SEMA3D: variants seen among roughly 807,000 people sequenced by gnomAD.
SEMA3D encodes semaphorin-3D.
Under a neutral mutation model 100.1 loss-of-function variants are expected in SEMA3D, and 84 were observed. That is an observed-to-expected ratio of 0.84 (90% CI 0.70 to 1.01). SEMA3D has a LOEUF of 1.01. SEMA3D is among the 50% of genes least tolerant of loss of function. SEMA3D has a pLI of 0.00. For synonymous variants in SEMA3D, 312 were observed against 320.7 expected (o/e 0.97, Z 0.29); for missense variants, 875 against 934.1 (o/e 0.94, Z 0.82).
intron 3 of SEMA3D, among the ~76,000 whole-genome samples, chr7:85,107,463 T>C (rs545606517): frequency 6.6e-6 from 1 of 152,238 alleles, no homozygotes; most frequent in South Asian, 2.1e-4. Context: ...GAGAAAATGC[T>C]TTCCATTTTT....
chr7:85,050,072 AACACAC>A (rs55849524), intron 9 of SEMA3D, among the ~76,000 whole-genome samples: 43,414 of 136,826 alleles, frequency 0.32, 7,088 homozygotes, highest in East Asian at 0.55. Context: ...CTTGAAGGGA[AACACAC>A]ACACACACAC....
chr7:85,230,796 T>A, the SEMA3D span, among the ~76,000 whole-genome samples: 1 of 152,210 alleles, frequency 6.6e-6, no homozygotes, highest in Non-Finnish European at 1.5e-5. Context: ...TACTTCCTCA[T>A]GCAACCGTTA....
chr7:85,245,813 A>T, the SEMA3D span, among the ~76,000 whole-genome samples: 1 of 152,114 alleles, frequency 6.6e-6, no homozygotes, highest in Non-Finnish European at 1.5e-5. Flanking sequence ...TAGAGTTACA[A>T]TTAAGGTATT....
intron 2 of SEMA3D, chr7:85,144,307 AC>A (rs1403579628): frequency 4.1e-6 from 1 of 241,588 alleles, no homozygotes; most frequent in Non-Finnish European, 6.7e-6. Context: ...GTTGTTTCAA[AC>A]AAATGTAAAA....
chr7:85,206,617 A>G, the SEMA3D span, among the ~76,000 whole-genome samples: 1 of 152,154 alleles, frequency 6.6e-6, no homozygotes, highest in Non-Finnish European at 1.5e-5. Context: ...ACATGTTCTT[A>G]GGTATTAATG....
intron 1 of SEMA3D, among the ~76,000 whole-genome samples, chr7:85,163,396 C>A (rs1272571025): frequency 2.0e-5 from 3 of 151,566 alleles, no homozygotes; most frequent in Non-Finnish European, 2.9e-5. Context: ...AACAGTAAAA[C>A]ATAATCTTAA....
At chr7:85,067,655 G>A (rs981925595) in intron 7 of SEMA3D, among the ~76,000 whole-genome samples, 4 of 152,166 alleles carry the variant, frequency 2.6e-5, no homozygotes, top group Non-Finnish European at 5.9e-5. Flanking sequence ...CAAGATAGTT[G>A]TCTCATAAGA....
At chr7:85,224,112 C>G in the SEMA3D span, among the ~76,000 whole-genome samples, 10 of 152,076 alleles carry the variant, frequency 6.6e-5, no homozygotes, top group Admixed American at 3.9e-4. Flanking sequence ...CTTGATAACA[C>G]TTTATAAAGA....
chr7:85,137,772 T>C (rs1328220018), intron 2 of SEMA3D, among the ~76,000 whole-genome samples: 1 of 152,166 alleles, frequency 6.6e-6, no homozygotes, highest in Non-Finnish European at 1.5e-5. Flanking sequence ...ACTTTCCTTA[T>C]TCCTCAATGT....
rs946160611 is a variant in SEMA3D, at chr7:84,999,155, A to T, written c.*285T>A. ...CTTGCTTAGCTCAACTATTTACATGACAATAAATTCCAAAACTCAAAACAT... is the reference window on the plus strand; with the variant it reads ...CTTGCTTAGCTCAACTATTTACATGTCAATAAATTCCAAAACTCAAAACAT... On this transcript the variant is annotated 3_prime_UTR_variant, in exon 19 of 19. Transcript: ENST00000284136. 40 of 413,900 alleles carry T rather than the reference A, an allele frequency of 9.7e-5. No individual in the cohort carries two copies. Among genetic ancestry groups the T allele is most frequent in the Non-Finnish European group, 8.7e-5 (20 of 229,732 alleles). The allele number at this position is 413,900 out of a possible 1,614,324, so 25.6% of individuals were successfully genotyped here. A position where few individuals can be genotyped will look rare whatever the true frequency, so the allele number is the denominator to read the frequency against.
At chr7:85,174,618 A>G (rs1791178068) in intron 1 of SEMA3D, among the ~76,000 whole-genome samples, 1 of 152,128 alleles carries the variant, frequency 6.6e-6, no homozygotes, top group African/African-American at 2.4e-5. Context: ...TTGAGAAACA[A>G]TCTTGTGGCA....
chr7:85,018,286 G>T lies in SEMA3D; in HGVS notation c.1511C>A (p.Ser504Ter). 6.3e-7 allele frequency: 1 copy of T among 1,587,962 alleles called. No individual in the cohort carries two copies. The highest frequency in any genetic ancestry group is 8.6e-7 in the Non-Finnish European group (1 of 1,157,810). ...AGACAATTCCATGTTCAAGATGATTGATGAGTGCTGAAAATAGAAGTTAAA... is the reference window on the plus strand; with the variant it reads ...AGACAATTCCATGTTCAAGATGATTTATGAGTGCTGAAAATAGAAGTTAAA... ...LEELQIFKHS[S>*]IILNMELSLK... The change falls in exon 15 of 19, where the codon TCA (serine) becomes TAA (stop). Residue 504 changes from serine (S) to a stop codon, truncating the protein, a stop_gained. Transcript: ENST00000284136. LOFTEE classifies it high-confidence loss of function.
intron 3 of SEMA3D, among the ~76,000 whole-genome samples, chr7:85,111,953 TG>T (rs1201213512): frequency 6.6e-6 from 1 of 152,122 alleles, no homozygotes; most frequent in Non-Finnish European, 1.5e-5. Flanking sequence ...TAAGCATTTG[TG>T]AAAATATTCT....
At chr7:85,112,032 T>C (rs576880306) in intron 3 of SEMA3D, among the ~76,000 whole-genome samples, 1 of 152,288 alleles carries the variant, frequency 6.6e-6, no homozygotes, top group East Asian at 1.9e-4. Context: ...GCTCCCTGTC[T>C]TGATTCATTT....
At chr7:85,002,576 T>G (rs563935411) in intron 18 of SEMA3D, among the ~76,000 whole-genome samples, 13 of 152,160 alleles carry the variant, frequency 8.5e-5, no homozygotes, top group Non-Finnish European at 1.9e-4. Context: ...CAGTGAAATG[T>G]CAGCACAGTC....
chr7:85,205,281 A>G, the SEMA3D span, among the ~76,000 whole-genome samples: 1 of 152,090 alleles, frequency 6.6e-6, no homozygotes, highest in African/African-American at 2.4e-5. Flanking sequence ...ATAAGAATAC[A>G]TTTGTCTATT....
chr7:85,073,123 G>A lies in SEMA3D; in HGVS notation c.376-42C>T, dbSNP rs569673740. Reference sequence around the variant, plus strand: ...TTAAAAGCATTAACACACAATTCAGGTTTTTGAAATATTATCATTTATGCC... The same window carrying A: ...TTAAAAGCATTAACACACAATTCAGATTTTTGAAATATTATCATTTATGCC... On this transcript the variant is annotated intron_variant, in intron 5 of 18. Coordinates refer to ENST00000284136, the MANE Select transcript of SEMA3D (RefSeq NM_001384900.1). 141 of 1,590,562 alleles carry A rather than the reference G, an allele frequency of 8.9e-5. 2 individuals are homozygous for A. The South Asian group carries it at 1.5e-3, about 17-fold the overall frequency.
intron 17 of SEMA3D, among the ~76,000 whole-genome samples, chr7:85,010,406 T>TACAACTAAGTGGGGTAC (rs1474146393): frequency 6.6e-6 from 1 of 150,718 alleles, no homozygotes; most frequent in African/African-American, 2.5e-5. Context: ...AAGTGGGGTA[T>TACAACTAAGTGGGGTAC]ACAACTAAGT....
Position 84,999,536 on chromosome 7 carries a change from C to G in SEMA3D, c.2238G>C (p.Gly746=). The part of the protein sequence containing the change: ...HREKRRQRNK[G]GPKWKHMQEM... The stretch of plus-strand genomic sequence containing the variant: ...CCTGCATGTGCTTCCACTTTGGGCC[C>G]CCCTTGTTTCTCTGTCTCCGCTTCT... Residue 746 remains glycine, a synonymous_variant, in exon 19 of 19, where the codon GGG becomes GGC. Coordinates refer to ENST00000284136, the MANE Select transcript of SEMA3D (RefSeq NM_001384900.1). 1.9e-6 allele frequency: 3 copies of G among 1,614,062 alleles called. No homozygotes were observed. The highest frequency in any genetic ancestry group is 1.1e-5 in the South Asian group (1 of 91,082).
Sources: gnomAD v4.1 joint callset for allele counts (sites outside exome capture counted in the v4.1 genomes callset) on GRCh38, gnomAD v4.1.1 for gene constraint, MANE v1.5 for transcripts, NCBI Gene and HGNC (gene_info 2026-07-23, HGNC 2026-07-21) for gene names.